The following OVGP1 variants were observed in gnomAD, a reference collection of about 807,000 sequenced individuals.
OVGP1 encodes the protein oviductal glycoprotein 1.
OVGP1 carries 26 observed loss-of-function variants against 48.2 expected under a neutral mutation model. The ratio of observed to expected loss-of-function variants is 0.54; its 90% CI spans 0.40 to 0.75. OVGP1 has a LOEUF of 0.75. OVGP1 is among the 30% of genes least tolerant of loss of function. OVGP1 has a pLI of 0.00. For synonymous variants in OVGP1, 294 were observed against 305.7 expected, an observed-to-expected ratio of 0.96 and a Z score of 0.40; for missense variants, 791 against 820.6, an observed-to-expected ratio of 0.96 and a Z score of 0.44.
At chr1:111,416,592 A>G (rs948508213) in intron 9 of OVGP1, 134 bp from the exon 10 acceptor site, 1 of 658,680 alleles carries the variant, frequency 1.5e-6, no homozygotes, top group Non-Finnish European at 2.4e-6. Context: ...ATTTGAATCT[A>G]GCTTTTACTG....
intron 10 of OVGP1, among the ~76,000 whole-genome samples, chr1:111,415,967 A>G (rs573657022): frequency 6.6e-6 from 1 of 152,364 alleles, no homozygotes; most frequent in East Asian, 1.9e-4. Context: ...AAGAGATATC[A>G]AAAGAAACCT....
At chr1:111,425,653 C>G in intron 3 of OVGP1, 2 of 858,706 alleles carry the variant, frequency 2.3e-6, no homozygotes, top group Non-Finnish European at 1.7e-6. Flanking sequence ...AGGGCCATCA[C>G]AGCCCAACAA....
intron 8 of OVGP1, among the ~76,000 whole-genome samples, chr1:111,420,810 A>T (rs1327112087): frequency 2.0e-5 from 3 of 152,294 alleles, no homozygotes; most frequent in African/African-American, 4.8e-5. Context: ...CTTCAAAATC[A>T]TCTAGTAGTA....
rs761199351 is a variant in OVGP1, at chr1:111,415,038, G to A, written c.1463C>T (p.Thr488Ile). The A allele has an allele frequency of 5.6e-6, 9 of 1,613,704 alleles. No individual in the cohort carries two copies. The Admixed American group carries it at 8.3e-5, about 15-fold the overall frequency. ...TMTSVGHQSM[T>I]PGEKALTPVG... ...AGGGGTCAGGGCCTTCTCTCCAGGG[G>A]TCATGGACTGATGACCCACAGAAGT... Residue 488 changes from threonine (T) to isoleucine (I), a missense_variant, in exon 11 of 11, where the codon ACC becomes ATC. Coordinates refer to ENST00000369732, the MANE Select transcript of OVGP1 (RefSeq NM_002557.4).
rs773700007 is a variant in OVGP1, at chr1:111,426,439, C to T, written c.258G>A (p.Glu86=). The T allele has an allele frequency of 6.2e-7, 1 of 1,614,090 alleles. No individual in the cohort carries two copies. Among genetic ancestry groups the T allele is most frequent in the South Asian group, 1.1e-5 (1 of 91,044 alleles). The change falls in exon 3 of 11, where the codon GAG becomes GAA. Residue 86 remains glutamate, a splice_region_variant and synonymous_variant. Coordinates refer to ENST00000369732, the MANE Select transcript of OVGP1 (RefSeq NM_002557.4). ...ILYPEFNKLK[E]RNRELKTLLS... is the part of the protein sequence containing the mutation. ...CCCCACATCCAATATGAACACACCT[C>T]TCCTTTAGTTTGTTGAACTCTGGGT...
chr1:111,420,972 G>T (rs1212820412), intron 8 of OVGP1, among the ~76,000 whole-genome samples: 1 of 152,112 alleles, frequency 6.6e-6, no homozygotes, highest in Non-Finnish European at 1.5e-5. Flanking sequence ...AAATATTAAT[G>T]ATTTTTATTT....
chr1:111,421,751 CTAACTAGCTAG>C, intron 6 of OVGP1, 78 bp from the exon 7 acceptor site: 2 of 877,582 alleles, frequency 2.3e-6, no homozygotes, highest in African/African-American at 3.3e-5. Context: ...CACTGTCTAG[CTAACTAGCTAG>C]ACATTGGTCA....
chr1:111,423,728 A>G lies in OVGP1; in HGVS notation c.318-20T>C. 2 of 1,611,258 alleles carry G rather than the reference A, an allele frequency of 1.2e-6. No homozygotes were observed. Among genetic ancestry groups the G allele is most frequent in the Non-Finnish European group, 1.7e-6 (2 of 1,178,316 alleles). On this transcript the variant is annotated intron_variant, in intron 4 of 10. Transcript: ENST00000369732. ...GTGAATCTGTAGGGAGACCAGGGGT[A>G]AGGCAAAGAACTCTATCCACAGAAT... is the stretch of plus-strand genomic sequence containing the variant.
chr1:111,420,844 T>C (rs1404161277), intron 8 of OVGP1, among the ~76,000 whole-genome samples: 2 of 152,112 alleles, frequency 1.3e-5, no homozygotes, highest in East Asian at 1.9e-4. Context: ...CCAGCAGAGA[T>C]GAGACAAAAT....
intron 9 of OVGP1, among the ~76,000 whole-genome samples, chr1:111,416,901 G>C (rs1652151503): frequency 6.6e-6 from 1 of 152,160 alleles, no homozygotes; most frequent in South Asian, 2.1e-4. Context: ...GAAGGAGGAA[G>C]GGGAAGTTAC....
intron 4 of OVGP1, 144 bp from the exon 5 acceptor site, chr1:111,423,852 C>T (rs1053367702): frequency 2.1e-5 from 15 of 726,258 alleles, no homozygotes; most frequent in East Asian, 5.3e-5. Context: ...AACTCTCCCA[C>T]CTTCTTATAT....
chr1:111,419,841 A>T, intron 8 of OVGP1, 115 bp from the exon 9 acceptor site: 1 of 690,708 alleles, frequency 1.4e-6, no homozygotes. Flanking sequence ...AGCGAATGAG[A>T]AGAAGGTAAA....
chr1:111,415,319 T>C lies in OVGP1; in HGVS notation c.1182A>G (p.Gln394=), dbSNP rs767795483. Residue 394 remains glutamine (Q), a synonymous_variant, in exon 11 of 11, where the codon CAA becomes CAG. Coordinates refer to ENST00000369732, the MANE Select transcript of OVGP1 (RefSeq NM_002557.4). The stretch of plus-strand genomic sequence containing the variant: ...AATTCACAGCAGATGACAGCCAAAA[T>C]TGTGGTAAAGAAGTTGAACTGAACT... ...RAEFSSTSLP[Q]FWLSSAVNSS... 6.2e-6 allele frequency: 10 copies of C among 1,611,524 alleles called. No homozygotes were observed. The highest frequency in any genetic ancestry group is 7.6e-6 in the Non-Finnish European group (9 of 1,178,134).
intron 8 of OVGP1, 79 bp downstream of exon 8, chr1:111,421,197 T>G (rs923826849): frequency 3.7e-6 from 5 of 1,356,902 alleles, no homozygotes; most frequent in Admixed American, 2.3e-5. Flanking sequence ...ACCCTTGCCA[T>G]TGCCCCTTGT....
intron 1 of OVGP1, 40 bp from the exon 2 acceptor site, chr1:111,427,131 C>T (rs371673007): frequency 1.3e-5 from 21 of 1,613,752 alleles, no homozygotes; most frequent in Non-Finnish European, 1.7e-5. Flanking sequence ...GAGATTCATA[C>T]CCTCACCAGA....
chr1:111,426,781 A>C, intron 2 of OVGP1, 140 bp from the exon 3 acceptor site: 3 of 1,548,516 alleles, frequency 1.9e-6, no homozygotes, highest in Non-Finnish European at 2.6e-6. Flanking sequence ...AGTACACCTC[A>C]GAACTACACT....
In OVGP1 at chr1:111,421,670, G is replaced by A; in HGVS notation, c.612C>T (p.Leu204=). The change falls in exon 7 of 11, where the codon CTC becomes CTT. Residue 204 remains leucine, a synonymous_variant. Transcript: ENST00000369732. ...TSYDVRFLGR[L]LDFINVLSYD... is the part of the protein sequence containing the mutation. ...AAGACAAGACATTGATGAAATCCAG[G>A]AGTCTGTAAGGGGCAGGAGGAAGAG... is the stretch of plus-strand genomic sequence containing the variant. The A allele has an allele frequency of 6.3e-7, 1 of 1,588,060 alleles. No homozygotes were observed. The highest frequency in any genetic ancestry group is 8.6e-7 in the Non-Finnish European group (1 of 1,156,340).
At chr1:111,427,136 A>C in intron 1 of OVGP1, 45 bp from the exon 2 acceptor site, 2 of 1,613,488 alleles carry the variant, frequency 1.2e-6, no homozygotes, top group Non-Finnish European at 1.7e-6. Context: ...TCATACCCTC[A>C]CCAGAGTGGT....
rs1652275362 is a variant in OVGP1, at chr1:111,421,687, G to A, written c.609-14C>T. On this transcript the variant is annotated splice_polypyrimidine_tract_variant and intron_variant, in intron 6 of 10. Coordinates refer to ENST00000369732, the MANE Select transcript of OVGP1 (RefSeq NM_002557.4). ...AAATCCAGGAGTCTGTAAGGGGCAGGAGGAAGAGATATAAAGACTGGGCTA... is the reference window on the plus strand; with the variant it reads ...AAATCCAGGAGTCTGTAAGGGGCAGAAGGAAGAGATATAAAGACTGGGCTA... 4.6e-6 allele frequency: 7 copies of A among 1,505,614 alleles called. No homozygotes were observed. Among genetic ancestry groups the A allele is most frequent in the African/African-American group, 1.4e-5 (1 of 72,972 alleles). The allele number at this position is 1,505,614 out of a possible 1,614,324, so 93.3% of individuals were successfully genotyped here.
Sources: allele counts gnomAD v4.1 joint callset (sites outside exome capture counted in the v4.1 genomes callset), GRCh38; gene constraint gnomAD v4.1.1; transcripts MANE v1.5; gene names NCBI Gene and HGNC (gene_info 2026-07-23, HGNC 2026-07-21).